MACROD2: variants seen among roughly 807,000 people sequenced by gnomAD.
MACROD2 encodes ADP-ribose glycohydrolase MACROD2.
In MACROD2, 36 loss-of-function variants were observed where a neutral mutation model predicts 70.4. That is an observed-to-expected ratio of 0.51 (90% CI 0.39 to 0.68). MACROD2 has a LOEUF of 0.68. MACROD2 is among the 30% of genes least tolerant of loss of function. The pLI, the probability that MACROD2 is intolerant of heterozygous loss-of-function variation, is 0.00. For synonymous variants in MACROD2, 172 were observed against 178.8 expected (o/e 0.96, Z 0.30); for missense variants, 496 against 538.4 (o/e 0.92, Z 0.78).
At chr20:15,138,181 G>A (rs2076165092) in intron 5 of MACROD2, among the ~76,000 whole-genome samples, 1 of 152,072 alleles carries the variant, frequency 6.6e-6, no homozygotes, top group Non-Finnish European at 1.5e-5. Flanking sequence ...ATACACAGAA[G>A]ATTCCTAAGT....
chr20:15,822,634 A>T (rs1023084544), intron 8 of MACROD2, among the ~76,000 whole-genome samples: 6 of 151,712 alleles, frequency 4.0e-5, no homozygotes, highest in African/African-American at 1.5e-4. Context: ...ACATTATTGA[A>T]ATAACTTTAA....
At chr20:15,113,019 CATCT>C (rs1477837715) in intron 5 of MACROD2, among the ~76,000 whole-genome samples, 1 of 143,164 alleles carries the variant, frequency 7.0e-6, no homozygotes, top group Middle Eastern at 3.8e-3. Context: ...CTTATCCATT[CATCT>C]ATCAATGAAC....
intron 10 of MACROD2, among the ~76,000 whole-genome samples, chr20:15,890,388 C>T (rs748358156): frequency 3.9e-5 from 6 of 152,264 alleles, no homozygotes; most frequent in South Asian, 2.1e-4. Flanking sequence ...CAGTTGCAGA[C>T]GACACATTGC....
rs114416501 is a variant in MACROD2 at position 14,484,248 on chromosome 20, A to G, written c.272-9231A>G. Among the ~76,000 whole-genome samples the G allele has an allele frequency of 5.1e-3, 780 of 152,208 alleles. 5 individuals are homozygous for G. Among genetic ancestry groups the G allele is most frequent in the African/African-American group, 0.017 (706 of 41,552 alleles). On this transcript the variant is annotated intron_variant, in intron 3 of 17. Transcript: ENST00000684519. ...TTAAACTCTTAAATTTTAAAAGTACATATGTCCTTTTACCCATAATACTTT... is the reference window on the plus strand; with the variant it reads ...TTAAACTCTTAAATTTTAAAAGTACGTATGTCCTTTTACCCATAATACTTT...
intron 5 of MACROD2, among the ~76,000 whole-genome samples, chr20:15,158,854 C>G (rs193200178): frequency 6.6e-6 from 1 of 152,218 alleles, no homozygotes; most frequent in Admixed American, 6.5e-5. Context: ...TTTGACGTCT[C>G]AGTTACAGGA....
At chr20:14,965,820 TA>T (rs1423440266) in intron 5 of MACROD2, among the ~76,000 whole-genome samples, 1 of 152,078 alleles carries the variant, frequency 6.6e-6, no homozygotes, top group Non-Finnish European at 1.5e-5. Flanking sequence ...TTATCCAGTA[TA>T]AAACAGTGCA....
chr20:14,236,335 T>C (rs1345237929), intron 3 of MACROD2, among the ~76,000 whole-genome samples: 1 of 152,162 alleles, frequency 6.6e-6, no homozygotes. Flanking sequence ...TATGTAATTC[T>C]TGAAGCTTTA....
chr20:14,100,363 G>T (rs1297928077), intron 3 of MACROD2, among the ~76,000 whole-genome samples: 1 of 151,128 alleles, frequency 6.6e-6, no homozygotes, highest in Non-Finnish European at 1.5e-5. Context: ...GATATTAATA[G>T]TTTGCTTTTG....
At chr20:14,238,600 A>G (rs1367122134) in intron 3 of MACROD2, among the ~76,000 whole-genome samples, 1 of 152,216 alleles carries the variant, frequency 6.6e-6, no homozygotes, top group Non-Finnish European at 1.5e-5. Flanking sequence ...CCACATTGGA[A>G]GAGAGGATGT....
intron 8 of MACROD2, among the ~76,000 whole-genome samples, chr20:15,672,901 G>T (rs927176489): frequency 6.6e-6 from 1 of 152,152 alleles, no homozygotes; most frequent in South Asian, 2.1e-4. Context: ...TGCTGTTCTT[G>T]TGACAGTGAA....
intron 5 of MACROD2, among the ~76,000 whole-genome samples, chr20:14,853,175 G>GTA (rs1555838287): frequency 1.5e-4 from 14 of 94,804 alleles, no homozygotes; most frequent in African/African-American, 4.1e-4. Context: ...GTGTGTGTCT[G>GTA]TGTGTGTGTG....
At chr20:15,696,545 G>A (rs1332606785) in intron 8 of MACROD2, among the ~76,000 whole-genome samples, 1 of 152,130 alleles carries the variant, frequency 6.6e-6, no homozygotes, top group Admixed American at 6.5e-5. Flanking sequence ...GTATTAGGGT[G>A]ATGCTGGCTT....
chr20:14,093,115 C>G (rs182123166), intron 3 of MACROD2, among the ~76,000 whole-genome samples: 58 of 152,316 alleles, frequency 3.8e-4, no homozygotes, highest in African/African-American at 1.3e-3. Flanking sequence ...GAATCTCACT[C>G]TGTCACTCAG....
intron 3 of MACROD2, among the ~76,000 whole-genome samples, chr20:14,220,666 G>T (rs1478041319): frequency 6.6e-6 from 1 of 152,166 alleles, no homozygotes; most frequent in Non-Finnish European, 1.5e-5. Flanking sequence ...GGAATGGCCT[G>T]CTAGGGTACC....
chr20:15,605,137 T>C (rs1249997243), intron 8 of MACROD2, among the ~76,000 whole-genome samples: 4 of 152,178 alleles, frequency 2.6e-5, no homozygotes, highest in African/African-American at 9.7e-5. Flanking sequence ...CCTTACCAGG[T>C]CTCTTAAATC....
At chr20:14,505,197 G>A (rs2084955748) in intron 4 of MACROD2, among the ~76,000 whole-genome samples, 1 of 152,088 alleles carries the variant, frequency 6.6e-6, no homozygotes, top group Non-Finnish European at 1.5e-5. Flanking sequence ...TCATAGTCCT[G>A]GTACAGCTAG....
chr20:14,672,168 G>A (rs1252151458), intron 4 of MACROD2, among the ~76,000 whole-genome samples: 2 of 152,188 alleles, frequency 1.3e-5, no homozygotes, highest in Admixed American at 6.5e-5. Flanking sequence ...CTGTAAAGCT[G>A]GACAGTTCTT....
At chr20:15,565,666 A>G (rs2048300313) in intron 8 of MACROD2, among the ~76,000 whole-genome samples, 1 of 152,174 alleles carries the variant, frequency 6.6e-6, no homozygotes, top group African/African-American at 2.4e-5. Flanking sequence ...CACAGGCTAG[A>G]GTTCAGCGGC....
chr20:14,850,644 C>T (rs568863226), intron 5 of MACROD2: 10 of 152,200 alleles, frequency 6.6e-5, no homozygotes, highest in African/African-American at 9.6e-5. Context: ...CCAAATGTTC[C>T]GCTCTTAGAT....
Sources: allele counts gnomAD v4.1 joint callset (sites outside exome capture counted in the v4.1 genomes callset), GRCh38; gene constraint gnomAD v4.1.1; transcripts MANE v1.5; gene names NCBI Gene and HGNC (gene_info 2026-07-23, HGNC 2026-07-21).